Variants in HDAC9 observed in about 807,000 individuals in gnomAD.
HDAC9 encodes MEF-2 interacting transcription repressor (MITR) protein.
A neutral mutation model predicts 139.4 loss-of-function variants in HDAC9; 41 were observed. The ratio of observed to expected loss-of-function variants is 0.29; its 90% CI spans 0.23 to 0.38. The LOEUF is 0.38. Among genes scored for constraint, HDAC9 ranks in the 10% least tolerant of loss-of-function variants. HDAC9 has a pLI of 1.00. For missense variants in HDAC9, 1,147 were observed against 1,297.0 expected (o/e 0.88, Z 1.78); for synonymous variants, 517 against 476.2 (o/e 1.09, Z -1.12).
At chr7:18,723,526 A>G (rs1223576861) in intron 12 of HDAC9, among the ~76,000 whole-genome samples, 1 of 152,184 alleles carries the variant, frequency 6.6e-6, no homozygotes, top group Non-Finnish European at 1.5e-5. Flanking sequence ...ATATTAGACA[A>G]GTAGTTATTT....
At chr7:18,470,174 G>A (rs1451020939) in intron 1 of HDAC9, among the ~76,000 whole-genome samples, 1 of 152,070 alleles carries the variant, frequency 6.6e-6, no homozygotes, top group Non-Finnish European at 1.5e-5. Flanking sequence ...TAAGCCAGGT[G>A]TGGTGGTGCA....
At position 18,506,948 on chromosome 7, in the gene HDAC9, T is replaced by A. The variant is rs563641591; in HGVS notation, c.22+10624T>A. 3.3e-5 allele frequency among the ~76,000 whole-genome samples: 5 copies of A among 152,112 alleles called. No homozygotes were observed. The South Asian group carries it at 1.0e-3, about 32-fold the overall frequency. The stretch of plus-strand genomic sequence containing the variant: ...GCAGTTTTACATTTGAGAAGTGTTC[T>A]CTCAATTTACTTTGTGTGCTTAATT... On this transcript the variant is annotated intron_variant, in intron 2 of 25. Coordinates refer to ENST00000686413, the MANE Select transcript of HDAC9 (RefSeq NM_178425.4).
At position 18,824,020 on chromosome 7, in the gene HDAC9, A is replaced by AGAAGAG. The variant is rs201244341; in HGVS notation, c.2323-5117_2323-5112dup. Among the ~76,000 whole-genome samples, 786 of 111,468 alleles carry AGAAGAG rather than the reference A, an allele frequency of 7.1e-3. 20 individuals carry two copies. Among genetic ancestry groups the AGAAGAG allele is most frequent in the African/African-American group, 0.017 (510 of 29,952 alleles). 73.1% of individuals were successfully genotyped at this position (111,468 alleles called of 152,430 possible). ...AAGGAGAAGGGGAATGGGAAGGGGA[A>AGAAGAG]GAAGAGGAAGAGGAAGAGGAAGAGG... On this transcript the variant is annotated intron_variant, in intron 17 of 25. Transcript: ENST00000686413.
intron 1 of HDAC9, among the ~76,000 whole-genome samples, chr7:18,305,083 T>C (rs1237688787): frequency 6.6e-6 from 1 of 152,198 alleles, no homozygotes; most frequent in East Asian, 1.9e-4. Flanking sequence ...AGGAAGACCT[T>C]CTCTGACCCA....
intron 21 of HDAC9, among the ~76,000 whole-genome samples, chr7:18,845,778 A>C (rs528400549): frequency 1.3e-5 from 2 of 152,278 alleles, no homozygotes; most frequent in South Asian, 4.1e-4. Flanking sequence ...ATTTTCCTTC[A>C]ATAAAACATG....
At chr7:18,498,820 C>T (rs1346328958) in intron 2 of HDAC9, among the ~76,000 whole-genome samples, 1 of 151,964 alleles carries the variant, frequency 6.6e-6, no homozygotes, top group Non-Finnish European at 1.5e-5. Context: ...ATCAATATGT[C>T]TTTAAAACGT....
chr7:18,820,811 A>T (rs1427902962), intron 17 of HDAC9, among the ~76,000 whole-genome samples: 2 of 152,256 alleles, frequency 1.3e-5, no homozygotes, highest in Admixed American at 6.5e-5. Context: ...CAAATGTATT[A>T]AATAATCACA....
chr7:18,102,034 A>G (rs1022824459), intron 1 of HDAC9, among the ~76,000 whole-genome samples: 14 of 152,200 alleles, frequency 9.2e-5, no homozygotes, highest in African/African-American at 3.4e-4. Flanking sequence ...GAGATTGTTC[A>G]TATGTCAAGC....
intron 1 of HDAC9, among the ~76,000 whole-genome samples, chr7:18,097,094 A>G (rs540017285): frequency 1.3e-5 from 2 of 152,330 alleles, no homozygotes; most frequent in Non-Finnish European, 2.9e-5. Context: ...AATGTGGCCA[A>G]TGGCCTGAAT....
intron 2 of HDAC9, among the ~76,000 whole-genome samples, chr7:18,186,715 T>C (rs1414168245): frequency 6.6e-6 from 1 of 152,194 alleles, no homozygotes; most frequent in East Asian, 1.9e-4. Context: ...TTCTCAACTT[T>C]AAAATAGAAA....
At chr7:18,592,164 T>C (rs950404172) in intron 5 of HDAC9, among the ~76,000 whole-genome samples, 4 of 151,926 alleles carry the variant, frequency 2.6e-5, no homozygotes, top group African/African-American at 9.7e-5. Flanking sequence ...GAAAGGAAGA[T>C]AAGGGAGGGT....
chr7:18,578,494 C>A (rs1284255994), intron 2 of HDAC9, among the ~76,000 whole-genome samples: 1 of 152,174 alleles, frequency 6.6e-6, no homozygotes, highest in East Asian at 1.9e-4. Context: ...AGAGGCCTGT[C>A]CCCAGTCCCT....
At chr7:18,178,589 A>T (rs540095165) in intron 2 of HDAC9, among the ~76,000 whole-genome samples, 1 of 152,178 alleles carries the variant, frequency 6.6e-6, no homozygotes, top group Non-Finnish European at 1.5e-5. Flanking sequence ...CCCTGTTTCA[A>T]TGCTTATAAA....
chr7:18,935,211 T>TA (rs1023959883), intron 22 of HDAC9, among the ~76,000 whole-genome samples: 2 of 152,094 alleles, frequency 1.3e-5, no homozygotes, highest in African/African-American at 4.8e-5. Context: ...AGTTGGAAGG[T>TA]AAAAAAGCAG....
chr7:18,878,903 G>C (rs911570819), intron 22 of HDAC9, among the ~76,000 whole-genome samples: 2 of 152,144 alleles, frequency 1.3e-5, no homozygotes, highest in African/African-American at 4.8e-5. Flanking sequence ...TCTATAGTTA[G>C]AAAACCCCAC....
Position 18,829,231 on chromosome 7 carries a change from C to G in HDAC9, c.2378+15C>G. On this transcript the variant is annotated intron_variant, in intron 18 of 25. Coordinates refer to ENST00000686413, the MANE Select transcript of HDAC9 (RefSeq NM_178425.4). ...TCCACAGCCATGTAAGTACCAGGGA[C>G]TGTTGCCCATCTCCAAGCACCACGG... is the stretch of plus-strand genomic sequence containing the variant. 6.2e-7 allele frequency: 1 copy of G among 1,602,252 alleles called. No individual in the cohort carries two copies. The highest frequency in any genetic ancestry group is 1.1e-5 in the South Asian group (1 of 90,810).
intron 2 of HDAC9, among the ~76,000 whole-genome samples, chr7:18,536,019 T>C (rs1414527503): frequency 2.6e-5 from 4 of 152,162 alleles, no homozygotes; most frequent in Non-Finnish European, 5.9e-5. Context: ...CCGGCCTGGC[T>C]CTTGTCTGCA....
intron 21 of HDAC9, among the ~76,000 whole-genome samples, chr7:18,871,835 A>G (rs1798940107): frequency 6.6e-6 from 1 of 152,184 alleles, no homozygotes; most frequent in South Asian, 2.1e-4. Context: ...AGATCTGTGG[A>G]GTCTCAGTTT....
intron 2 of HDAC9, among the ~76,000 whole-genome samples, chr7:18,175,180 C>T (rs1021716962): frequency 1.3e-5 from 2 of 152,222 alleles, no homozygotes; most frequent in Non-Finnish European, 2.9e-5. Context: ...CCCCTCCCCC[C>T]TGCCAGGCTG....
Sources: gnomAD v4.1 joint callset for allele counts (sites outside exome capture counted in the v4.1 genomes callset) on GRCh38, gnomAD v4.1.1 for gene constraint, MANE v1.5 for transcripts, NCBI Gene and HGNC (gene_info 2026-07-23, HGNC 2026-07-21) for gene names.